The following SLC1A7 variants were observed in gnomAD, a reference collection of about 807,000 sequenced individuals.
SLC1A7 encodes solute carrier family 1 member 7.
In SLC1A7, 40 loss-of-function variants were observed where a neutral mutation model predicts 47.7. The observed-to-expected ratio is 0.84, with a 90% confidence interval of 0.65 to 1.09. The LOEUF (loss-of-function observed/expected upper bound fraction) is 1.09. Ranked by LOEUF, SLC1A7 falls within the 50% of genes least tolerant of loss-of-function variation. The probability of loss-of-function intolerance (pLI) is 0.00; values close to 1 mark genes in which losing one functional copy is unlikely to be tolerated. For synonymous variants in SLC1A7, 323 were observed against 325.6 expected (o/e 0.99, Z 0.09); for missense variants, 746 against 769.5 (o/e 0.97, Z 0.36).
intron 2 of SLC1A7, among the ~76,000 whole-genome samples, chr1:53,134,080 C>A (rs1342501783): frequency 6.6e-6 from 1 of 152,308 alleles, no homozygotes; most frequent in Admixed American, 6.5e-5. Flanking sequence ...AACTCCCTGG[C>A]CTTGAGCTAT....
chr1:53,107,831 C>G (rs1431046643), intron 3 of SLC1A7: 1 of 152,172 alleles, frequency 6.6e-6, no homozygotes, highest in Non-Finnish European at 1.5e-5. Context: ...ATATTTGCTG[C>G]GTAAACCAAT....
Position 53,142,599 on chromosome 1 carries a change from C to G in SLC1A7, c.-150G>C. 1.3e-6 allele frequency: 1 copy of G among 784,472 alleles called. No individual in the cohort carries two copies. Among genetic ancestry groups the G allele is most frequent in the Non-Finnish European group, 2.0e-6 (1 of 512,124 alleles). The allele number at this position is 784,472 out of a possible 1,614,324, so 48.6% of individuals were successfully genotyped here. Reference sequence around the variant, plus strand: ...CCAGTCGCCAGCCCCACGGCCATGCCCGTGTGGCCGCCTTAGAGGGAAGCC... The same window carrying G: ...CCAGTCGCCAGCCCCACGGCCATGCGCGTGTGGCCGCCTTAGAGGGAAGCC... On this transcript the variant is annotated 5_prime_UTR_variant, in exon 1 of 11. Transcript: ENST00000371494.
intron 2 of SLC1A7, among the ~76,000 whole-genome samples, chr1:53,123,580 G>T (rs1031175478): frequency 3.3e-5 from 5 of 152,202 alleles, no homozygotes; most frequent in Admixed American, 6.5e-5. Context: ...ACCCGGGGGT[G>T]GGGGTAGCTG....
intron 6 of SLC1A7, 80 bp downstream of exon 6, chr1:53,093,381 G>T: frequency 1.8e-6 from 2 of 1,136,108 alleles, no homozygotes; most frequent in Non-Finnish European, 2.6e-6. Flanking sequence ...CTCACTTTAC[G>T]GGAGAAGAGG....
At chr1:53,103,970 C>G (rs1644612406) in intron 4 of SLC1A7, among the ~76,000 whole-genome samples, 1 of 152,160 alleles carries the variant, frequency 6.6e-6, no homozygotes, top group Non-Finnish European at 1.5e-5. Flanking sequence ...CAGGTGGAAA[C>G]TTGGACCTTC....
chr1:53,129,427 C>T (rs1350656508), intron 2 of SLC1A7, among the ~76,000 whole-genome samples: 5 of 152,162 alleles, frequency 3.3e-5, no homozygotes, highest in Non-Finnish European at 4.4e-5. Context: ...TCAACCACCC[C>T]CGCCCATGCT....
At chr1:53,093,737 G>GTCT (rs10649406) in intron 5 of SLC1A7, among the ~76,000 whole-genome samples, 177 bp from the exon 6 acceptor site, 125,087 of 150,822 alleles carry the variant, frequency 0.83, 52,090 homozygotes, top group East Asian at 0.96. Flanking sequence ...GTGCTCTCAC[G>GTCT]TCCTCCTCTC....
chr1:53,127,038 G>GTTTTTTTTTTTTTTTTTTT (rs61456544), intron 2 of SLC1A7, among the ~76,000 whole-genome samples: 2 of 97,562 alleles, frequency 2.0e-5, no homozygotes, highest in Non-Finnish European at 3.7e-5. Context: ...AATTTTAAAA[G>GTTTTTTTTTTTTTTTTTTT]TTTTTTTTTT....
intron 2 of SLC1A7, among the ~76,000 whole-genome samples, chr1:53,119,268 A>C (rs1234865788): frequency 6.6e-6 from 1 of 151,914 alleles, no homozygotes; most frequent in Admixed American, 6.5e-5. Context: ...TGGGGTTCCC[A>C]CTCCCACAGT....
chr1:53,121,008 G>T (rs555135106), intron 2 of SLC1A7, among the ~76,000 whole-genome samples: 1 of 152,242 alleles, frequency 6.6e-6, no homozygotes, highest in Non-Finnish European at 1.5e-5. Context: ...GGATGATGCC[G>T]GTTTGCTGTG....
chr1:53,094,286 C>G (rs781224029), intron 5 of SLC1A7, among the ~76,000 whole-genome samples: 12 of 152,208 alleles, frequency 7.9e-5, no homozygotes, highest in Non-Finnish European at 1.5e-4. Context: ...GGCGCCTCCC[C>G]CGGCATTCTA....
intron 3 of SLC1A7, 99 bp from the exon 4 acceptor site, chr1:53,105,873 C>T (rs1430125429): frequency 1.7e-5 from 16 of 955,970 alleles, no homozygotes; most frequent in South Asian, 1.1e-4. Flanking sequence ...CTTTGGTGGT[C>T]GGGCCTTCCT....
intron 4 of SLC1A7, among the ~76,000 whole-genome samples, chr1:53,104,675 C>G (rs1174997286): frequency 6.6e-6 from 1 of 152,182 alleles, no homozygotes; most frequent in Non-Finnish European, 1.5e-5. Flanking sequence ...AGAGACGCGG[C>G]GATATGCCAA....
intron 1 of SLC1A7, among the ~76,000 whole-genome samples, chr1:53,137,774 C>A (rs1242168884): frequency 6.6e-6 from 1 of 152,198 alleles, no homozygotes; most frequent in Non-Finnish European, 1.5e-5. Context: ...CACATCAGTT[C>A]TCTTTTATCC....
chr1:53,088,828 C>T, intron 10 of SLC1A7, 49 bp downstream of exon 10: 1 of 1,474,942 alleles, frequency 6.8e-7, no homozygotes, highest in Non-Finnish European at 9.5e-7. Flanking sequence ...CCCTGCCCAC[C>T]CTGCGTGGCT....
chr1:53,102,801 A>G (rs1311596385), intron 5 of SLC1A7: 2 of 152,920 alleles, frequency 1.3e-5, no homozygotes, highest in Non-Finnish European at 2.9e-5. Flanking sequence ...GGCAGACCCG[A>G]CCGGATGCAA....
chr1:53,111,259 G>A lies in SLC1A7; in HGVS notation c.431+3499C>T, dbSNP rs1425720422. Among the ~76,000 whole-genome samples, 4 of 152,142 alleles carry A rather than the reference G, an allele frequency of 2.6e-5. No individual in the cohort carries two copies. In the South Asian group the frequency reaches 6.2e-4, roughly 24 times the overall value. On this transcript the variant is annotated intron_variant, in intron 3 of 10. Coordinates refer to ENST00000371494, the MANE Select transcript of SLC1A7 (RefSeq NM_006671.6). ...TGCAGGGAGGGCCACCCAGAGAGGA[G>A]GCAATGACACCCAGACAGGAAGGAC...
chr1:53,090,632 A>T lies in SLC1A7; in HGVS notation c.1206T>A (p.Phe402Leu). The T allele has an allele frequency of 6.3e-7, 1 of 1,598,998 alleles. No homozygotes were observed. The highest frequency in any genetic ancestry group is 1.7e-5 in the Admixed American group (1 of 59,582). ...IAQVNNYELD[F>L]GQIITISITA... ...TGCACCTGATGGTGATGATCTGGCCAAAGTCCAGCTCGTAGTTGTTGACCT... is the reference window on the plus strand; with the variant it reads ...TGCACCTGATGGTGATGATCTGGCCTAAGTCCAGCTCGTAGTTGTTGACCT... The change falls in exon 8 of 11, where the codon TTT (phenylalanine) becomes TTA (leucine). Residue 402 changes from phenylalanine (F) to leucine (L), a missense_variant. By Grantham distance (22) the Phe-to-Leu change is conservative (BLOSUM62 0). Coordinates refer to ENST00000371494, the MANE Select transcript of SLC1A7 (RefSeq NM_006671.6).
In SLC1A7 at chr1:53,134,424, A is replaced by G; in HGVS notation, c.141T>C (p.Ile47=). ...LRTRRLSPQE[I]SYFQFPGELL... is the part of the protein sequence containing the mutation. ...GCTCTCCAGGGAACTGGAAGTAACTAATTTCCTGAAAACACAGTAAGAACT... is the reference window on the plus strand; with the variant it reads ...GCTCTCCAGGGAACTGGAAGTAACTGATTTCCTGAAAACACAGTAAGAACT... The change falls in exon 2 of 11, where the codon ATT becomes ATC. Residue 47 remains isoleucine (I), a synonymous_variant. Coordinates refer to ENST00000371494, the MANE Select transcript of SLC1A7 (RefSeq NM_006671.6). The G allele has an allele frequency of 6.2e-7, 1 of 1,609,722 alleles. No homozygotes were observed. Among genetic ancestry groups the G allele is most frequent in the Non-Finnish European group, 8.5e-7 (1 of 1,176,586 alleles).
Sources: gnomAD v4.1 joint callset for allele counts (sites outside exome capture counted in the v4.1 genomes callset) on GRCh38, gnomAD v4.1.1 for gene constraint, MANE v1.5 for transcripts, NCBI Gene and HGNC (gene_info 2026-07-23, HGNC 2026-07-21) for gene names.